ZNF33B: variants seen among roughly 807,000 people sequenced by gnomAD.
ZNF33B encodes the protein zinc finger protein 11b (KOX 2).
A neutral mutation model predicts 45.8 loss-of-function variants in ZNF33B; 29 were observed. The observed-to-expected ratio is 0.63, with a 90% CI of 0.47 to 0.86. The LOEUF is 0.86. Among genes scored for constraint, ZNF33B ranks in the 40% least tolerant of loss-of-function variants. The pLI is 0.00. For missense variants in ZNF33B, 831 were observed against 909.9 expected (o/e 0.91, Z 1.12); for synonymous variants, 305 against 307.8 (o/e 0.99, Z 0.10).
At chr10:42,601,905 ATTC>A (rs1837639368) in intron 4 of ZNF33B, among the ~76,000 whole-genome samples, 4 of 123,794 alleles carry the variant, frequency 3.2e-5, no homozygotes, top group South Asian at 2.5e-4. Flanking sequence ...TCTATGTGAT[ATTC>A]TTTTTTTTTT....
chr10:42,596,736 A>G (rs995767744), intron 4 of ZNF33B, among the ~76,000 whole-genome samples: 11 of 152,174 alleles, frequency 7.2e-5, no homozygotes, highest in African/African-American at 2.6e-4. Flanking sequence ...GCAATTTCCA[A>G]TTGATCATTT....
chr10:42,630,808 C>T (rs1470521951), intron 4 of ZNF33B, among the ~76,000 whole-genome samples: 1 of 152,184 alleles, frequency 6.6e-6, no homozygotes, highest in Non-Finnish European at 1.5e-5. Context: ...AAATCTACCA[C>T]TAAACAGATT....
chr10:42,593,402 C>G lies in ZNF33B; in HGVS notation c.1548G>C (p.Gln516His). ...FYHKSVLTRH[Q>H]IIHTGLKPYE... ...AAGGTTTCAACCCTGTATGAATTAT[C>G]TGATGCCTGGTGAGTACTGACTTGT... is the stretch of plus-strand genomic sequence containing the variant. Residue 516 changes from glutamine to histidine, a missense_variant, in exon 5 of 5, where the codon CAG becomes CAC. Coordinates refer to ENST00000359467, the MANE Select transcript of ZNF33B (RefSeq NM_006955.3). 1 of 1,613,932 alleles carries G rather than the reference C, an allele frequency of 6.2e-7. No homozygotes were observed. Among genetic ancestry groups the G allele is most frequent in the Non-Finnish European group, 8.5e-7 (1 of 1,179,950 alleles).
rs780748902 is a variant in ZNF33B, at chr10:42,593,541, T to C, written c.1409A>G (p.Glu470Gly). ...AAAGGATTTCCCACACTCAAGACAT[T>C]CAAAAGGTTTCTCACCTGTGTGAGT... ...QRTHTGEKPF[E>G]CLECGKSFCQ... is the part of the protein sequence containing the mutation. Residue 470 changes from glutamate (E) to glycine (G), a missense_variant, in exon 5 of 5, where the codon GAA becomes GGA. By Grantham distance (98) the Glu-to-Gly change is moderately conservative. Coordinates refer to ENST00000359467, the MANE Select transcript of ZNF33B (RefSeq NM_006955.3). The C allele has an allele frequency of 6.2e-6, 10 of 1,613,968 alleles. No individual in the cohort carries two copies. In the East Asian group the frequency reaches 2.0e-4, roughly 32 times the overall value.
chr10:42,588,988 A>G (rs1335716103), downstream of ZNF33B: 4 of 166,110 alleles, frequency 2.4e-5, no homozygotes, highest in Admixed American at 2.0e-4. Flanking sequence ...CCATAATTTA[A>G]AATATATCAA....
chr10:42,614,636 A>G (rs1838236504), intron 4 of ZNF33B, among the ~76,000 whole-genome samples: 1 of 152,176 alleles, frequency 6.6e-6, no homozygotes, highest in Non-Finnish European at 1.5e-5. Context: ...GGAGATACAT[A>G]AATAGCCAAC....
At chr10:42,637,957 T>C (rs753308350) in intron 1 of ZNF33B, among the ~76,000 whole-genome samples, 1 of 152,148 alleles carries the variant, frequency 6.6e-6, no homozygotes, top group Non-Finnish European at 1.5e-5. Flanking sequence ...AGGCCAAAAT[T>C]ATGTAATTCT....
intron 4 of ZNF33B, among the ~76,000 whole-genome samples, chr10:42,626,139 T>C (rs757805312): frequency 1.4e-4 from 22 of 152,244 alleles, no homozygotes; most frequent in Admixed American, 3.9e-4. Flanking sequence ...TGATGTTATA[T>C]CATTTTTCTT....
downstream of ZNF33B, among the ~76,000 whole-genome samples, chr10:42,587,222 T>C (rs1010265826): frequency 3.9e-5 from 6 of 152,132 alleles, no homozygotes; most frequent in African/African-American, 1.4e-4. Flanking sequence ...TGTTTTGAGA[T>C]GGAGTCTTGC....
chr10:42,622,082 TA>T (rs1313797851), intron 4 of ZNF33B, among the ~76,000 whole-genome samples: 1 of 152,138 alleles, frequency 6.6e-6, no homozygotes, highest in Non-Finnish European at 1.5e-5. Flanking sequence ...ATTCTACCTA[TA>T]GCACCATCTA....
chr10:42,606,059 C>T (rs1287388774), intron 4 of ZNF33B, among the ~76,000 whole-genome samples: 3 of 151,546 alleles, frequency 2.0e-5, no homozygotes, highest in Non-Finnish European at 4.4e-5. Flanking sequence ...GATTCTACCA[C>T]TGCACTCCAG....
chr10:42,636,772 GA>G, intron 2 of ZNF33B, 147 bp downstream of exon 2: 5 of 1,072,738 alleles, frequency 4.7e-6, no homozygotes, highest in Non-Finnish European at 6.9e-6. Flanking sequence ...AGGTTGCAGT[GA>G]ACAGAGATGG....
At chr10:42,579,271 T>C (rs1233139642) in intron 1 of ZNF33B, among the ~76,000 whole-genome samples, 1 of 152,212 alleles carries the variant, frequency 6.6e-6, no homozygotes, top group African/African-American at 2.4e-5. Flanking sequence ...GTATACTGTG[T>C]GATGCTGAGG....
chr10:42,595,734 A>G (rs1837372583), intron 4 of ZNF33B, among the ~76,000 whole-genome samples: 1 of 152,188 alleles, frequency 6.6e-6, no homozygotes, highest in East Asian at 1.9e-4. Context: ...GGTCATATGC[A>G]CAGAGAAAAG....
At chr10:42,595,742 A>G (rs1217277621) in intron 4 of ZNF33B, among the ~76,000 whole-genome samples, 2 of 152,172 alleles carry the variant, frequency 1.3e-5, no homozygotes, top group Non-Finnish European at 2.9e-5. Context: ...GCACAGAGAA[A>G]AGGCTGTGTA....
At chr10:42,617,664 C>T (rs1838385762) in intron 4 of ZNF33B, among the ~76,000 whole-genome samples, 1 of 152,126 alleles carries the variant, frequency 6.6e-6, no homozygotes, top group Non-Finnish European at 1.5e-5. Context: ...AGAACAGTCC[C>T]ATCACCAGGA....
rs192309896 is a variant in ZNF33B, at chr10:42,596,444, T to G, written c.251-1745A>C. Among the ~76,000 whole-genome samples the G allele has an allele frequency of 8.2e-4, 125 of 152,302 alleles. 1 individual carries two copies. The Middle Eastern group carries it at 0.024, about 29-fold the overall frequency. ...AAAGTTTTAGTTATTGTAGTTCCTG[T>G]GTATTTCCACATAAGGTTTAGAATT... On this transcript the variant is annotated intron_variant, in intron 4 of 4. Transcript: ENST00000359467.
chr10:42,577,346 C>T (rs1836762476), intron 1 of ZNF33B, among the ~76,000 whole-genome samples: 1 of 152,110 alleles, frequency 6.6e-6, no homozygotes, highest in Admixed American at 6.5e-5. Context: ...TCACCCTCTC[C>T]CATTCCTTAT....
At chr10:42,629,821 C>T (rs1204557590) in intron 4 of ZNF33B, among the ~76,000 whole-genome samples, 1 of 152,048 alleles carries the variant, frequency 6.6e-6, no homozygotes, top group East Asian at 1.9e-4. Context: ...TCTAAGTGTA[C>T]CACATTTTAT....
Sources: allele counts gnomAD v4.1 joint callset (sites outside exome capture counted in the v4.1 genomes callset), GRCh38; gene constraint gnomAD v4.1.1; transcripts MANE v1.5; gene names NCBI Gene and HGNC (gene_info 2026-07-23, HGNC 2026-07-21).